Variants in TENM3 observed in about 807,000 individuals in gnomAD.
The protein encoded by TENM3 is teneurin-3.
Under a neutral mutation model 255.1 loss-of-function variants are expected in TENM3, and 63 were observed. The observed-to-expected ratio is 0.25, with a 90% CI of 0.20 to 0.30. The LOEUF (loss-of-function observed/expected upper bound fraction) is 0.30, where lower values mean the gene tolerates loss of function less well. Ranked by LOEUF, TENM3 falls within the 10% of genes least tolerant of loss-of-function variation. The pLI is 1.00. For missense variants in TENM3, 2,929 were observed against 3,461.1 expected, an observed-to-expected ratio of 0.85 and a Z score of 3.86; for synonymous variants, 1,306 against 1,322.3, an observed-to-expected ratio of 0.99 and a Z score of 0.27.
the TENM3 span, among the ~76,000 whole-genome samples, chr4:181,448,172 T>A: frequency 0.13 from 17,372 of 133,332 alleles, 1,418 homozygotes; most frequent in East Asian, 0.28. Context: ...TTTTTTTTTT[T>A]TTTTTTTTTT....
the TENM3 span, among the ~76,000 whole-genome samples, chr4:181,530,565 C>A: frequency 1.3e-5 from 2 of 152,172 alleles, no homozygotes; most frequent in South Asian, 4.1e-4. Flanking sequence ...TTTTTCCCCC[C>A]ATTGCTAACA....
the TENM3 span, among the ~76,000 whole-genome samples, chr4:181,484,084 T>C: frequency 6.6e-6 from 1 of 152,074 alleles, no homozygotes; most frequent in African/African-American, 2.4e-5. Flanking sequence ...AAGAACGCGG[T>C]TTGGTTTGTA....
chr4:182,525,468 A>G (rs925668), intron 3 of TENM3, among the ~76,000 whole-genome samples: 25,484 of 152,160 alleles, frequency 0.17, 3,425 homozygotes, highest in African/African-American at 0.36. Context: ...AATTCAGCCT[A>G]TCTGACTTCA....
Position 182,799,207 on chromosome 4 carries a change from T to C in TENM3, c.7345-389T>C, listed in dbSNP as rs1341618938. 2.6e-5 allele frequency among the ~76,000 whole-genome samples: 4 copies of C among 152,216 alleles called. No individual in the cohort carries two copies. Among genetic ancestry groups the C allele is most frequent in the Admixed American group, 2.6e-4 (4 of 15,284 alleles). On this transcript the variant is annotated intron_variant, in intron 27 of 27. Transcript: ENST00000511685. This position sits in a 1 kb window ranked among gnomAD's most constrained non-coding sequence, Gnocchi z 4.2. ...CGTTCAGATCCCTCTCTGTGTTTGG[T>C]GGCTTCTCAGCCTCCTGTGGAGAAA...
the TENM3 span, among the ~76,000 whole-genome samples, chr4:181,566,330 G>T: frequency 1.7e-4 from 26 of 152,188 alleles, no homozygotes. Context: ...AATTTCAGGA[G>T]AAATTTTGGG....
chr4:182,754,194 A>G lies in TENM3; in HGVS notation c.4018-191A>G, dbSNP rs1762561461. ...CTTTCTGTGAGCTGAATTTTAAAAT[A>G]AAGTGTTATTTCCTGTATCTATCTT... On this transcript the variant is annotated intron_variant, in intron 21 of 27. Coordinates refer to ENST00000511685, the MANE Select transcript of TENM3 (RefSeq NM_001080477.4). This position sits in a 1 kb window ranked among gnomAD's most constrained non-coding sequence, Gnocchi z 5.1. 6.6e-6 allele frequency among the ~76,000 whole-genome samples: 1 copy of G among 152,226 alleles called. No individual in the cohort carries two copies. The highest frequency in any genetic ancestry group is 2.4e-5 in the African/African-American group (1 of 41,458).
At chr4:181,933,615 T>C in the TENM3 span, among the ~76,000 whole-genome samples, 293 of 152,300 alleles carry the variant, frequency 1.9e-3, 1 homozygote, top group Non-Finnish European at 3.3e-3. Flanking sequence ...CTTCCATTAG[T>C]GGGTGTCACT....
the TENM3 span, among the ~76,000 whole-genome samples, chr4:181,622,295 A>G: frequency 1.3e-5 from 2 of 152,186 alleles, no homozygotes; most frequent in African/African-American, 4.8e-5. Context: ...CTTGGATTGT[A>G]CTCACCAAAC....
At chr4:182,344,941 T>C (rs1764707887) in intron 2 of TENM3, among the ~76,000 whole-genome samples, 1 of 152,222 alleles carries the variant, frequency 6.6e-6, no homozygotes, top group African/African-American at 2.4e-5. Flanking sequence ...CTAACAATAC[T>C]GAGTCTCATC....
the TENM3 span, among the ~76,000 whole-genome samples, chr4:181,537,056 ACTT>A: frequency 6.6e-6 from 1 of 152,078 alleles, no homozygotes; most frequent in Non-Finnish European, 1.5e-5. Flanking sequence ...AGGTAATAAA[ACTT>A]TATATGTTTA....
intron 2 of TENM3, among the ~76,000 whole-genome samples, chr4:182,341,100 A>G (rs1388867315): frequency 6.6e-6 from 1 of 152,216 alleles, no homozygotes; most frequent in Non-Finnish European, 1.5e-5. Context: ...ACAATAAACG[A>G]GGAAGGATTT....
At chr4:181,690,238 G>C in the TENM3 span, among the ~76,000 whole-genome samples, 2 of 65,718 alleles carry the variant, frequency 3.0e-5, no homozygotes, top group Admixed American at 4.9e-4. Context: ...GCGCGTGAGC[G>C]TGCACACACA....
intron 12 of TENM3, among the ~76,000 whole-genome samples, chr4:182,708,635 T>C (rs1052598883): frequency 1.3e-5 from 2 of 151,952 alleles, no homozygotes; most frequent in East Asian, 3.9e-4. Flanking sequence ...CCACCTCTAC[T>C]AAAAATACAA....
At chr4:182,643,280 C>G (rs1447382250) in intron 5 of TENM3, among the ~76,000 whole-genome samples, 1 of 152,014 alleles carries the variant, frequency 6.6e-6, no homozygotes, top group Non-Finnish European at 1.5e-5. Flanking sequence ...TAAAATGAAA[C>G]AATTCTGCAT....
At chr4:182,593,217 A>G (rs925505560) in intron 3 of TENM3, among the ~76,000 whole-genome samples, 1 of 152,156 alleles carries the variant, frequency 6.6e-6, no homozygotes, top group African/African-American at 2.4e-5. Flanking sequence ...CATTTATTCC[A>G]CTTGCTATCA....
the TENM3 span, among the ~76,000 whole-genome samples, chr4:181,778,711 C>T: frequency 4.6e-5 from 7 of 152,112 alleles, no homozygotes; most frequent in African/African-American, 1.7e-4. Context: ...GCTGGATTCT[C>T]ACTAAAAAGA....
chr4:182,283,425 A>G (rs1462259190), intron 1 of TENM3, among the ~76,000 whole-genome samples: 3 of 152,230 alleles, frequency 2.0e-5, no homozygotes, highest in Middle Eastern at 3.2e-3. Flanking sequence ...ATGAGATGAC[A>G]TTAAAACCAA....
At position 182,163,015 on chromosome 4, in the gene TENM3, AT is replaced by A. The variant is rs766059710; in HGVS notation, c.-76+18263del. Among the ~76,000 whole-genome samples the A allele has an allele frequency of 5.5e-4, 84 of 152,062 alleles. 1 individual carries two copies. Among genetic ancestry groups the A allele is most frequent in the South Asian group, 6.2e-4 (3 of 4,826 alleles). The stretch of plus-strand genomic sequence containing the variant: ...TTCTCCTGTATTTGTACATTATCCC[AT>A]TATCCTGTTTGTTCACACATGCTGG... On this transcript the variant is annotated intron_variant, in intron 1 of 2. Coordinates refer to the TENM3 transcript ENST00000512480.
the TENM3 span, among the ~76,000 whole-genome samples, chr4:181,821,149 T>C: frequency 2.0e-5 from 3 of 152,202 alleles, no homozygotes; most frequent in African/African-American, 7.2e-5. Context: ...TTTTGCATGC[T>C]GGACTAACTG....
Sources: gnomAD v4.1 joint callset for allele counts (sites outside exome capture counted in the v4.1 genomes callset) on GRCh38, gnomAD v4.1.1 for gene constraint, Gnocchi (gnomAD v3.1) non-coding constraint, MANE v1.5 for transcripts, NCBI Gene and HGNC (gene_info 2026-07-23, HGNC 2026-07-21) for gene names.